The following NRXN3 variants were observed in gnomAD, a reference collection of about 807,000 sequenced individuals.
NRXN3 encodes the protein neurexin III.
A neutral mutation model predicts 137.6 loss-of-function variants in NRXN3; 32 were observed. The observed-to-expected ratio is 0.23, with a 90% CI of 0.18 to 0.31. The LOEUF (loss-of-function observed/expected upper bound fraction) is 0.31, where lower values mean the gene tolerates loss of function less well. Ranked by LOEUF, NRXN3 falls within the 10% of genes least tolerant of loss-of-function variation. The pLI is 1.00. For synonymous variants in NRXN3, 798 were observed against 784.5 expected, an observed-to-expected ratio of 1.02 and a Z score of -0.29; for missense variants, 1,574 against 2,062.5, an observed-to-expected ratio of 0.76 and a Z score of 4.59.
intron 1 of NRXN3, among the ~76,000 whole-genome samples, chr14:78,225,977 GT>G (rs1567013152): frequency 1.9e-3 from 133 of 70,706 alleles, no homozygotes; most frequent in South Asian, 4.8e-3. Context: ...GTGTGTTGGT[GT>G]GTGTGTGTGT....
At chr14:79,137,849 A>G (rs573312225) in intron 15 of NRXN3, among the ~76,000 whole-genome samples, 19 of 152,282 alleles carry the variant, frequency 1.2e-4, no homozygotes, top group African/African-American at 4.1e-4. Context: ...ACGAGGAATA[A>G]TTAAAGTCCC....
intron 16 of NRXN3, among the ~76,000 whole-genome samples, chr14:79,594,651 C>A (rs2097843995): frequency 1.3e-5 from 2 of 151,564 alleles, no homozygotes; most frequent in South Asian, 4.2e-4. Flanking sequence ...TCAAGAAATT[C>A]TCCCATCATA....
intron 15 of NRXN3, among the ~76,000 whole-genome samples, chr14:79,017,977 G>A (rs2099582120): frequency 6.6e-6 from 1 of 151,776 alleles, no homozygotes; most frequent in South Asian, 2.1e-4. Flanking sequence ...AGAGAAAAAG[G>A]GGCCAGGCAT....
intron 5 of NRXN3, among the ~76,000 whole-genome samples, chr14:78,647,536 C>T (rs2097699424): frequency 6.6e-6 from 1 of 152,240 alleles, no homozygotes; most frequent in African/African-American, 2.4e-5. Flanking sequence ...AAGGTGACTG[C>T]ATCTGTCTGG....
At chr14:79,166,012 C>G (rs576369680) in intron 15 of NRXN3, among the ~76,000 whole-genome samples, 1 of 152,076 alleles carries the variant, frequency 6.6e-6, no homozygotes, top group African/African-American at 2.4e-5. Flanking sequence ...AGAGAATGTT[C>G]TATTTGCTCC....
Position 79,865,307 on chromosome 14 carries a change from T to A in NRXN3, c.*3343T>A, listed in dbSNP as rs1421946821. On this transcript the variant is annotated 3_prime_UTR_variant, in exon 21 of 21. Coordinates refer to ENST00000335750, the MANE Select transcript of NRXN3 (RefSeq NM_001330195.2). The stretch of plus-strand genomic sequence containing the variant: ...GATTACAACTTGTTTCATACACCCA[T>A]TGTAGCAGTAATGTCTCATATTTCT... 1 of 152,160 alleles carries A rather than the reference T, an allele frequency of 6.6e-6. No individual in the cohort carries two copies. Among genetic ancestry groups the A allele is most frequent in the East Asian group, 1.9e-4 (1 of 5,178 alleles). 9.4% of individuals were successfully genotyped at this position (152,160 alleles called of 1,614,324 possible).
At chr14:79,528,669 A>G (rs376147275) in intron 16 of NRXN3, among the ~76,000 whole-genome samples, 5 of 145,228 alleles carry the variant, frequency 3.4e-5, no homozygotes, top group Admixed American at 1.4e-4. Flanking sequence ...AAAAAAAAAA[A>G]GTAGTTTTTT....
intron 8 of NRXN3, among the ~76,000 whole-genome samples, chr14:78,737,914 A>T (rs1431779000): frequency 6.6e-6 from 1 of 152,088 alleles, no homozygotes; most frequent in Non-Finnish European, 1.5e-5. Flanking sequence ...GTCCCTGAGG[A>T]TTGCTCTGCT....
chr14:79,646,902 G>A lies in NRXN3; in HGVS notation c.3445-16876G>A, dbSNP rs2098455432. ...TTCTTCTCTTCTTCCTATCCAAAGG[G>A]CTTTTCTTCCTGGGCTGAGTGTATC... On this transcript the variant is annotated intron_variant, in intron 16 of 20. Transcript: ENST00000335750. Among the ~76,000 whole-genome samples the A allele has an allele frequency of 1.5e-5, 2 of 135,590 alleles. 1 individual carries two copies. The highest frequency in any genetic ancestry group is 3.4e-5 in the Non-Finnish European group (2 of 58,380). The allele number at this position is 135,590 out of a possible 152,430, so 89.0% of individuals were successfully genotyped here. A position where few individuals can be genotyped will look rare whatever the true frequency, so the allele number is the denominator to read the frequency against.
intron 4 of NRXN3, among the ~76,000 whole-genome samples, chr14:78,566,361 A>T (rs1307837462): frequency 1.3e-5 from 2 of 148,802 alleles, no homozygotes; most frequent in African/African-American, 5.0e-5. Context: ...AAGCAGAACT[A>T]CCCCAGACTA....
At chr14:78,925,056 T>C (rs2099282477) in intron 10 of NRXN3, among the ~76,000 whole-genome samples, 1 of 152,232 alleles carries the variant, frequency 6.6e-6, no homozygotes, top group Non-Finnish European at 1.5e-5. Flanking sequence ...ACTTCAGATT[T>C]CATTAGACGG....
chr14:78,651,037 C>A, intron 5 of NRXN3, 128 bp from the exon 6 acceptor site: 1 of 929,554 alleles, frequency 1.1e-6, no homozygotes, highest in Non-Finnish European at 1.6e-6. Flanking sequence ...AAAATCAAAT[C>A]AAATTAGAAA....
chr14:79,306,381 T>C lies in NRXN3; in HGVS notation c.3263-160840T>C, dbSNP rs1235225456. ...TCCCTTCCCCTCAACATCGTGCACCTTGTTCCACATCCAGCACTCTGTGTT... is the reference window on the plus strand; with the variant it reads ...TCCCTTCCCCTCAACATCGTGCACCCTGTTCCACATCCAGCACTCTGTGTT... On this transcript the variant is annotated intron_variant, in intron 15 of 20. Transcript: ENST00000335750. Among the ~76,000 whole-genome samples, 3 of 152,094 alleles carry C rather than the reference T, an allele frequency of 2.0e-5. No individual in the cohort carries two copies. In the East Asian group the frequency reaches 5.8e-4, roughly 29 times the overall value.
At chr14:79,110,977 A>T (rs913329452) in intron 15 of NRXN3, among the ~76,000 whole-genome samples, 1 of 151,920 alleles carries the variant, frequency 6.6e-6, no homozygotes, top group Non-Finnish European at 1.5e-5. Flanking sequence ...CTTTTAGTAG[A>T]GATGGGGTTT....
At chr14:78,393,356 G>T (rs1474078263) in intron 4 of NRXN3, among the ~76,000 whole-genome samples, 1 of 152,164 alleles carries the variant, frequency 6.6e-6, no homozygotes, top group African/African-American at 2.4e-5. Context: ...TATTGACGCT[G>T]ATATCATCAA....
At chr14:79,535,615 A>G (rs1406900770) in intron 16 of NRXN3, among the ~76,000 whole-genome samples, 1 of 152,142 alleles carries the variant, frequency 6.6e-6, no homozygotes, top group Non-Finnish European at 1.5e-5. Flanking sequence ...TTATACATTG[A>G]GCACATGCTA....
intron 15 of NRXN3, among the ~76,000 whole-genome samples, chr14:79,379,297 GT>G (rs968841494): frequency 4.6e-5 from 7 of 152,220 alleles, no homozygotes; most frequent in Admixed American, 2.6e-4. Flanking sequence ...GGTGTTTTCT[GT>G]TTAGTGAAGA....
At chr14:78,265,652 C>A (rs2153479916) in intron 2 of NRXN3, among the ~76,000 whole-genome samples, 1 of 152,280 alleles carries the variant, frequency 6.6e-6, no homozygotes, top group South Asian at 2.1e-4. Flanking sequence ...TTCTCCCAGA[C>A]TCCCAGTCCA....
chr14:78,888,820 A>C (rs192732083), intron 10 of NRXN3, among the ~76,000 whole-genome samples: 3 of 138,080 alleles, frequency 2.2e-5, no homozygotes, highest in African/African-American at 8.8e-5. Flanking sequence ...GGGGACTTAC[A>C]GTCTAGTTGG....
Sources: gnomAD v4.1 joint callset for allele counts (sites outside exome capture counted in the v4.1 genomes callset) on GRCh38, gnomAD v4.1.1 for gene constraint, MANE v1.5 for transcripts, NCBI Gene and HGNC (gene_info 2026-07-23, HGNC 2026-07-21) for gene names.